ACO2: variants seen among roughly 807,000 people sequenced by gnomAD.
ACO2 encodes aconitate hydratase, mitochondrial.
A neutral mutation model predicts 84.5 loss-of-function variants in ACO2; 31 were observed. That is an observed-to-expected ratio of 0.37 (90% CI 0.28 to 0.50). The LOEUF is 0.50. Among genes scored for constraint, ACO2 ranks in the 20% least tolerant of loss-of-function variants. The pLI is 0.97. For synonymous variants in ACO2, 414 were observed against 412.7 expected (o/e 1.00, Z -0.04); for missense variants, 685 against 1,029.3 (o/e 0.67, Z 4.58).
At chr22:41,508,432 TCTC>T (rs2066410184) in intron 3 of ACO2, among the ~76,000 whole-genome samples, 1 of 152,158 alleles carries the variant, frequency 6.6e-6, no homozygotes, top group East Asian at 1.9e-4. Context: ...CCACTCCCGC[TCTC>T]CTCTGACCCT....
chr22:41,512,804 G>A (rs1167701669), intron 4 of ACO2, among the ~76,000 whole-genome samples: 2 of 152,138 alleles, frequency 1.3e-5, no homozygotes, highest in East Asian at 3.9e-4. Context: ...GGGGAGGTGG[G>A]TGCTTCCCTT....
chr22:41,512,985 C>A (rs1185173724), intron 4 of ACO2, among the ~76,000 whole-genome samples: 2 of 152,196 alleles, frequency 1.3e-5, no homozygotes, highest in African/African-American at 4.8e-5. Flanking sequence ...AGGCTGTAAT[C>A]TGACGCCGCA....
chr22:41,498,156 T>C (rs911875706), intron 1 of ACO2, among the ~76,000 whole-genome samples: 2 of 150,942 alleles, frequency 1.3e-5, no homozygotes, highest in African/African-American at 2.4e-5. Context: ...AATAAGTAAA[T>C]AAACAAATAA....
In ACO2 at chr22:41,528,032, C is replaced by T. The variant is rs1448618897; in HGVS notation, c.2208+10C>T. ...CTTCACCCCTGGCAAGGTTAGGGGC[C>T]CGGGTCCCCCTGAGGTGGTGGGGTG... On this transcript the variant is annotated intron_variant, in intron 17 of 17. Transcript: ENST00000216254. 1 of 1,614,086 alleles carries T rather than the reference C, an allele frequency of 6.2e-7. No homozygotes were observed. The highest frequency in any genetic ancestry group is 8.5e-7 in the Non-Finnish European group (1 of 1,180,002).
intron 1 of ACO2, among the ~76,000 whole-genome samples, chr22:41,477,351 G>A (rs1288695878): frequency 6.6e-6 from 1 of 151,378 alleles, no homozygotes; most frequent in African/African-American, 2.4e-5. Flanking sequence ...AGTAGAGATG[G>A]GGTTTCACGG....
At chr22:41,526,591 G>A (rs1221047847) in intron 15 of ACO2, 138 bp downstream of exon 15, 2 of 959,032 alleles carry the variant, frequency 2.1e-6, no homozygotes, top group Non-Finnish European at 3.0e-6. Flanking sequence ...TGGAAGGGAG[G>A]AGAGGCCTGC....
rs1232405288 is a variant in ACO2 at position 41,528,511 on chromosome 22, G to T, written c.2241G>T (p.Gly747=). 1.2e-6 allele frequency: 2 copies of T among 1,612,516 alleles called. No homozygotes were observed. Among genetic ancestry groups the T allele is most frequent in the South Asian group, 2.2e-5 (2 of 91,014 alleles). Residue 747 remains glycine, a synonymous_variant, in exon 18 of 18, where the codon GGG becomes GGT. Coordinates refer to ENST00000216254, the MANE Select transcript of ACO2 (RefSeq NM_001098.3). ...AGTGCATCATCAAGCACCCCAACGG[G>T]ACCCAGGAGACCATCCTCCTGAACC... ...PLKCIIKHPN[G]TQETILLNHT...
intron 12 of ACO2, among the ~76,000 whole-genome samples, chr22:41,524,268 G>C (rs2066556035): frequency 6.6e-6 from 1 of 152,174 alleles, no homozygotes; most frequent in Non-Finnish European, 1.5e-5. Flanking sequence ...CGTAATCCTC[G>C]GGATTACCTG....
intron 1 of ACO2, among the ~76,000 whole-genome samples, chr22:41,488,114 G>A (rs973707690): frequency 6.6e-6 from 1 of 152,126 alleles, no homozygotes; most frequent in Admixed American, 6.6e-5. Flanking sequence ...GTGCACAATA[G>A]CAACTATAAT....
intron 1 of ACO2, among the ~76,000 whole-genome samples, chr22:41,491,930 G>A (rs952043977): frequency 3.9e-5 from 6 of 152,168 alleles, no homozygotes; most frequent in African/African-American, 1.4e-4. Context: ...TGGGAAAGGA[G>A]GGGCCATATG....
rs201742113 is a variant in ACO2 at position 41,525,295 on chromosome 22, C to A, written c.1708C>A (p.Pro570Thr). The A allele has an allele frequency of 8.1e-5, 131 of 1,613,954 alleles. No homozygotes were observed. The highest frequency in any genetic ancestry group is 9.5e-5 in the Non-Finnish European group (112 of 1,180,008). Residue 570 changes from proline (P) to threonine (T), a missense_variant, in exon 14 of 18, where the codon CCT (proline) becomes ACT (threonine). This residue lies in a region of ACO2 where 311 missense variants were observed against 441.6 expected (regional missense o/e 0.70). Coordinates refer to ENST00000216254, the MANE Select transcript of ACO2 (RefSeq NM_001098.3). The stretch of plus-strand genomic sequence containing the variant: ...CAGCCAGCGCCTGCAGCTCCTGGAG[C>A]CTTTTGACAAGTGGGATGGCAAGGA... ...PTSQRLQLLEPFDKWDGKDLE... is the reference protein window; with the variant it reads ...PTSQRLQLLETFDKWDGKDLE...
chr22:41,513,532 C>T (rs556177441), intron 4 of ACO2, among the ~76,000 whole-genome samples: 1 of 152,342 alleles, frequency 6.6e-6, no homozygotes, highest in Admixed American at 6.5e-5. Context: ...TTTCTGGTTC[C>T]TCTGTGGAGC....
chr22:41,519,620 G>T (rs928215216), intron 8 of ACO2, among the ~76,000 whole-genome samples: 1 of 151,906 alleles, frequency 6.6e-6, no homozygotes, highest in African/African-American at 2.4e-5. Context: ...CCTGGCTAAT[G>T]TGATGAAACC....
At chr22:41,477,210 G>A (rs2038027623) in intron 1 of ACO2, among the ~76,000 whole-genome samples, 2 of 151,218 alleles carry the variant, frequency 1.3e-5, no homozygotes, top group South Asian at 4.2e-4. Flanking sequence ...CTGGAGTGCA[G>A]TGGCGCGATC....
chr22:41,489,934 A>G (rs1344974482), intron 1 of ACO2, among the ~76,000 whole-genome samples: 1 of 152,176 alleles, frequency 6.6e-6, no homozygotes, highest in Non-Finnish European at 1.5e-5. Context: ...CAATTCTGCT[A>G]TTCTATATTT....
intron 13 of ACO2, 75 bp downstream of exon 13, chr22:41,525,043 T>C (rs982511405): frequency 1.2e-6 from 2 of 1,610,664 alleles, no homozygotes; most frequent in Middle Eastern, 1.7e-4. Flanking sequence ...CAGCACCTCC[T>C]GTGCAGGCAG....
intron 16 of ACO2, 139 bp downstream of exon 16, chr22:41,527,559 C>T (rs1425058314): frequency 1.6e-6 from 2 of 1,217,120 alleles, no homozygotes; most frequent in East Asian, 4.8e-5. Flanking sequence ...CTTGCCCCTT[C>T]TTAGGCTCAC....
chr22:41,494,829 G>A (rs1163791012), intron 1 of ACO2, among the ~76,000 whole-genome samples: 1 of 151,754 alleles, frequency 6.6e-6, no homozygotes, highest in Non-Finnish European at 1.5e-5. Flanking sequence ...TGCCTCCTGG[G>A]TTCAAGCAAT....
Position 41,520,175 on chromosome 22 carries a change from A to G in ACO2, c.1037A>G (p.Lys346Arg), listed in dbSNP as rs773402955. The change falls in exon 9 of 18, where the codon AAG becomes AGG. Residue 346 changes from lysine to arginine, a missense_variant. Physicochemically the swap from Lys to Arg is conservative, Grantham distance 26. Transcript: ENST00000216254. ...CTTGCATGTTTGTTTCTTCAGCTGA[A>G]GCCACACATCAATGGGCCCTTCACC... ...QLIEINLSEL[K>R]PHINGPFTPD... 1 of 1,612,446 alleles carries G rather than the reference A, an allele frequency of 6.2e-7. No individual in the cohort carries two copies.
Sources: allele counts gnomAD v4.1 joint callset (sites outside exome capture counted in the v4.1 genomes callset), GRCh38; gene constraint gnomAD v4.1.1; regional missense constraint gnomAD v4.1.1; transcripts MANE v1.5; gene names NCBI Gene and HGNC (gene_info 2026-07-23, HGNC 2026-07-21).